The following SUMF1 variants were observed in gnomAD, a reference collection of about 807,000 sequenced individuals.
SUMF1 encodes sulfatase modifying factor 1.
Under a neutral mutation model 47.6 loss-of-function variants are expected in SUMF1, and 48 were observed. The ratio of observed to expected loss-of-function variants is 1.01; its 90% confidence interval spans 0.80 to 1.28. SUMF1 has a LOEUF of 1.28. SUMF1 is among the 50% of genes most tolerant of loss of function. The pLI, the probability that SUMF1 is intolerant of heterozygous loss-of-function variation, is 0.00. For synonymous variants in SUMF1, 230 were observed against 192.1 expected, an observed-to-expected ratio of 1.20 and a Z score of -1.63; for missense variants, 571 against 485.4, an observed-to-expected ratio of 1.18 and a Z score of -1.66.
chr3:4,461,498 C>G (rs529794154), intron 1 of SUMF1, among the ~76,000 whole-genome samples: 4 of 152,214 alleles, frequency 2.6e-5, no homozygotes, highest in African/African-American at 9.7e-5. Context: ...CTCAAAGGAC[C>G]ACAGGAAGCT....
intron 1 of SUMF1, among the ~76,000 whole-genome samples, chr3:4,462,931 T>C (rs940514316): frequency 2.0e-5 from 3 of 152,228 alleles, no homozygotes; most frequent in African/African-American, 4.8e-5. Context: ...AGTTGCCTCA[T>C]CTGTAAAGTG....
rs73809319 is a variant in SUMF1, at chr3:4,123,123, C to T, written c.1015-54378G>A. Among the ~76,000 whole-genome samples the T allele has an allele frequency of 6.7e-3, 1,025 of 152,168 alleles. 21 individuals are homozygous for T. The highest frequency in any genetic ancestry group is 0.024 in the African/African-American group (983 of 41,484). ...AAAAAGATAAATTCAGATAATTGAT[C>T]ACAGCTATGAAGAAAAGAAGGCAAT... On this transcript the variant is annotated intron_variant and NMD_transcript_variant, in intron 8 of 12. Transcript: ENST00000448413.
chr3:4,221,227 C>T (rs1247923134), intron 8 of SUMF1, among the ~76,000 whole-genome samples: 5 of 152,094 alleles, frequency 3.3e-5, no homozygotes, highest in Non-Finnish European at 7.4e-5. Context: ...ACACATATGC[C>T]AATGCAGCAG....
chr3:4,382,336 G>GCAAACACACACCACA (rs1553566038), intron 7 of SUMF1, among the ~76,000 whole-genome samples: 118 of 149,452 alleles, frequency 7.9e-4, no homozygotes, highest in African/African-American at 2.7e-3. Context: ...ACACATACAT[G>GCAAACACACACCACA]CACACACACA....
At chr3:4,426,077 A>G (rs181872949) in intron 3 of SUMF1, among the ~76,000 whole-genome samples, 5 of 152,298 alleles carry the variant, frequency 3.3e-5, no homozygotes, top group Admixed American at 2.6e-4. Context: ...GGGAGCTACA[A>G]TTCATTCAAG....
At chr3:4,263,841 A>G (rs1697135468) in intron 8 of SUMF1, among the ~76,000 whole-genome samples, 1 of 152,122 alleles carries the variant, frequency 6.6e-6, no homozygotes, top group Non-Finnish European at 1.5e-5. Flanking sequence ...ATTTCTACAT[A>G]TTTATAATCT....
At chr3:4,102,634 T>A (rs1559472113) in intron 8 of SUMF1, among the ~76,000 whole-genome samples, 1 of 152,172 alleles carries the variant, frequency 6.6e-6, no homozygotes, top group African/African-American at 2.4e-5. Flanking sequence ...GTGCTTCCCA[T>A]GTTCTACATT....
rs527688828 is a variant in SUMF1, at chr3:4,317,694, G to A, written c.1014+58636C>T. The A allele has an allele frequency of 1.6e-3, 246 of 155,334 alleles. 5 individuals carry two copies. Among genetic ancestry groups the A allele is most frequent in the Middle Eastern group, 0.01 (3 of 294 alleles). 9.6% of individuals were successfully genotyped at this position (155,334 alleles called of 1,614,324 possible). On this transcript the variant is annotated intron_variant and NMD_transcript_variant, in intron 8 of 12. Transcript: ENST00000448413. Reference sequence around the variant, plus strand: ...TGTTAGATTTTGTTCTTGGCCAAATGGAAAATTTTGCCCTAATTAAAATGT... The same window carrying A: ...TGTTAGATTTTGTTCTTGGCCAAATAGAAAATTTTGCCCTAATTAAAATGT...
rs35911373 is a variant in SUMF1 at position 4,151,556 on chromosome 3, TACACACACAC to T, written c.1015-82821_1015-82812del. ...ATGTGTATATATATGTGTGTGTATA[TACACACACAC>T]ACACACACACACACACACACACATG... On this transcript the variant is annotated intron_variant and NMD_transcript_variant, in intron 8 of 12. Coordinates refer to the SUMF1 transcript ENST00000448413. 1.1e-3 allele frequency among the ~76,000 whole-genome samples: 155 copies of T among 137,276 alleles called. 2 individuals carry two copies. Among genetic ancestry groups the T allele is most frequent in the Admixed American group, 6.2e-3 (86 of 13,818 alleles). 90.1% of individuals were successfully genotyped at this position (137,276 alleles called of 152,430 possible).
chr3:4,170,615 T>C (rs1291267679), intron 8 of SUMF1, among the ~76,000 whole-genome samples: 1 of 152,334 alleles, frequency 6.6e-6, no homozygotes, highest in Middle Eastern at 3.4e-3. Context: ...GACAGTGTAG[T>C]ATTGTCACCA....
At chr3:4,362,574 T>C (rs979572372) in intron 8 of SUMF1, among the ~76,000 whole-genome samples, 3 of 152,220 alleles carry the variant, frequency 2.0e-5, no homozygotes, top group Admixed American at 2.0e-4. Flanking sequence ...TAAGCAGCCA[T>C]TGAAAGTCAT....
Position 4,322,022 on chromosome 3 carries a change from T to C in SUMF1, c.1014+54308A>G, listed in dbSNP as rs573510413. On this transcript the variant is annotated intron_variant and NMD_transcript_variant, in intron 8 of 12. Transcript: ENST00000448413. ...CCCCAAACCCATAACCCAAGACTAA[T>C]CATGAGGAAAAGAATCAGATAAATT... Among the ~76,000 whole-genome samples, 5 of 152,236 alleles carry C rather than the reference T, an allele frequency of 3.3e-5. No individual in the cohort carries two copies. In the East Asian group the frequency reaches 9.7e-4, roughly 29 times the overall value.
chr3:4,190,746 C>A (rs1318905799), intron 8 of SUMF1, among the ~76,000 whole-genome samples: 1 of 152,048 alleles, frequency 6.6e-6, no homozygotes, highest in Non-Finnish European at 1.5e-5. Flanking sequence ...GACTTTCATA[C>A]CCTGTACTAA....
intron 8 of SUMF1, among the ~76,000 whole-genome samples, chr3:4,226,057 C>T (rs753637019): frequency 1.3e-5 from 2 of 151,964 alleles, no homozygotes; most frequent in Non-Finnish European, 2.9e-5. Context: ...ACCATGATTC[C>T]CTCAACTGGA....
intron 7 of SUMF1, among the ~76,000 whole-genome samples, chr3:4,385,106 GA>G (rs1700630998): frequency 6.6e-6 from 1 of 151,982 alleles, no homozygotes; most frequent in Admixed American, 6.6e-5. Flanking sequence ...GGCTGGTCTC[GA>G]ACTCCTGACC....
intron 8 of SUMF1, among the ~76,000 whole-genome samples, chr3:4,364,921 T>A (rs1444821594): frequency 1.3e-5 from 2 of 151,082 alleles, no homozygotes; most frequent in Non-Finnish European, 1.5e-5. Flanking sequence ...TCTGGTATGT[T>A]GTGTCTTTGT....
At chr3:4,336,386 G>A (rs540801684) in intron 8 of SUMF1, among the ~76,000 whole-genome samples, 19 of 152,092 alleles carry the variant, frequency 1.2e-4, no homozygotes, top group East Asian at 1.9e-4. Context: ...GTATTGTCTC[G>A]TGCTCAGTAA....
intron 8 of SUMF1, among the ~76,000 whole-genome samples, chr3:4,086,002 C>A (rs893220163): frequency 2.0e-5 from 3 of 151,984 alleles, no homozygotes; most frequent in African/African-American, 7.3e-5. Context: ...GAAACTCAGT[C>A]CTGAGAAGCA....
chr3:4,315,612 A>T (rs889642556), intron 8 of SUMF1, among the ~76,000 whole-genome samples: 3 of 152,224 alleles, frequency 2.0e-5, no homozygotes, highest in African/African-American at 7.2e-5. Flanking sequence ...CTAAGCAGCA[A>T]GTTAACTGCA....
Sources: allele counts gnomAD v4.1 joint callset (sites outside exome capture counted in the v4.1 genomes callset), GRCh38; gene constraint gnomAD v4.1.1; transcripts MANE v1.5; gene names NCBI Gene and HGNC (gene_info 2026-07-23, HGNC 2026-07-21).